FARS2: variants seen among roughly 807,000 people sequenced by gnomAD.
FARS2 encodes the protein phenylalanyl-tRNA synthetase 2, mitochondrial, also known as phenylalanine--tRNA ligase, mitochondrial.
Under a neutral mutation model 46.4 loss-of-function variants are expected in FARS2, and 40 were observed. The ratio of observed to expected loss-of-function variants is 0.86; its 90% confidence interval spans 0.67 to 1.12. The LOEUF (loss-of-function observed/expected upper bound fraction) is 1.12, where lower values mean the gene tolerates loss of function less well. Ranked by LOEUF, FARS2 falls within the 50% of genes most tolerant of loss-of-function variation. FARS2 has a pLI of 0.00. For synonymous variants in FARS2, 234 were observed against 214.9 expected (o/e 1.09, Z -0.78); for missense variants, 513 against 567.9 (o/e 0.90, Z 0.98).
intron 1 of FARS2, among the ~76,000 whole-genome samples, chr6:5,268,678 G>C (rs1765721932): frequency 6.6e-6 from 1 of 152,160 alleles, no homozygotes; most frequent in African/African-American, 2.4e-5. Flanking sequence ...GATTGACTTG[G>C]CAATGCGGGC....
chr6:5,673,586 G>A (rs922656652), intron 6 of FARS2, among the ~76,000 whole-genome samples: 1 of 152,158 alleles, frequency 6.6e-6, no homozygotes, highest in East Asian at 1.9e-4. Flanking sequence ...TATGCTAGTT[G>A]AACTCATGCC....
intron 6 of FARS2, among the ~76,000 whole-genome samples, chr6:5,691,351 G>A (rs1016671510): frequency 9.2e-5 from 14 of 152,060 alleles, no homozygotes; most frequent in African/African-American, 3.1e-4. Flanking sequence ...TGATGGTGAC[G>A]TACAGATGGG....
intron 6 of FARS2, among the ~76,000 whole-genome samples, chr6:5,752,092 CG>C (rs956530898): frequency 6.6e-6 from 1 of 152,040 alleles, no homozygotes. Flanking sequence ...GTGATTTATA[CG>C]AAACACTCAA....
intron 5 of FARS2, among the ~76,000 whole-genome samples, chr6:5,581,124 C>T (rs1451147618): frequency 6.6e-6 from 1 of 152,238 alleles, no homozygotes; most frequent in East Asian, 1.9e-4. Flanking sequence ...GCCATTTTCA[C>T]AACTGGATTT....
At chr6:5,469,626 C>G (rs76580273) in intron 4 of FARS2, among the ~76,000 whole-genome samples, 5,515 of 152,212 alleles carry the variant, frequency 0.036, 311 homozygotes, top group African/African-American at 0.13. Context: ...TTCTGTCAGT[C>G]AGGATGACTC....
intron 5 of FARS2, 84 bp downstream of exon 5, chr6:5,545,424 AATTTT>A (rs1173441642): frequency 2.1e-6 from 2 of 961,038 alleles, no homozygotes; most frequent in African/African-American, 1.7e-5. Context: ...AAAGCCACTG[AATTTT>A]ATTTTATTTA....
chr6:5,446,457 A>C (rs542794907), intron 4 of FARS2, among the ~76,000 whole-genome samples: 70 of 152,254 alleles, frequency 4.6e-4, no homozygotes, highest in African/African-American at 1.6e-3. Flanking sequence ...CCCTGAAGCA[A>C]ACTTTTAAGT....
At chr6:5,664,180 G>A (rs1777990757) in intron 6 of FARS2, among the ~76,000 whole-genome samples, 1 of 152,216 alleles carries the variant, frequency 6.6e-6, no homozygotes, top group Non-Finnish European at 1.5e-5. Flanking sequence ...TTCATTCTAT[G>A]CTCCCTGAAA....
At chr6:5,282,114 C>T (rs909636679) in intron 1 of FARS2, among the ~76,000 whole-genome samples, 1 of 152,154 alleles carries the variant, frequency 6.6e-6, no homozygotes, top group Non-Finnish European at 1.5e-5. Flanking sequence ...AAAATAAGTA[C>T]ATTGAAATGT....
At chr6:5,621,566 C>T (rs4959340) in intron 6 of FARS2, among the ~76,000 whole-genome samples, 82,982 of 152,054 alleles carry the variant, frequency 0.55, 23,313 homozygotes, top group African/African-American at 0.67. Context: ...TCCAGGGCTG[C>T]AGATTCAGAG....
intron 4 of FARS2, among the ~76,000 whole-genome samples, chr6:5,509,926 C>T (rs886207510): frequency 3.9e-5 from 6 of 152,266 alleles, no homozygotes; most frequent in East Asian, 1.9e-4. Context: ...TACATTATGT[C>T]GCCCAATTTT....
chr6:5,525,437 A>T (rs367773656), intron 4 of FARS2, among the ~76,000 whole-genome samples: 1 of 152,024 alleles, frequency 6.6e-6, no homozygotes, highest in East Asian at 1.9e-4. Flanking sequence ...TCCAGGTTTT[A>T]TTGTAAGTAG....
chr6:5,514,305 T>A (rs367680660), intron 4 of FARS2, among the ~76,000 whole-genome samples: 7 of 152,178 alleles, frequency 4.6e-5, no homozygotes, highest in African/African-American at 1.7e-4. Context: ...AAATTTACTT[T>A]AGAGGAACAT....
chr6:5,321,190 T>TAC (rs1298864943), intron 1 of FARS2, among the ~76,000 whole-genome samples: 1 of 152,238 alleles, frequency 6.6e-6, no homozygotes. Flanking sequence ...TTGCCCCAGT[T>TAC]ACTCTCCTGA....
chr6:5,608,357 G>A (rs1774967326), intron 5 of FARS2, among the ~76,000 whole-genome samples: 1 of 152,108 alleles, frequency 6.6e-6, no homozygotes, highest in Non-Finnish European at 1.5e-5. Context: ...TTAGACCTGT[G>A]ATGAGACAGA....
chr6:5,757,210 C>T (rs527244752), intron 6 of FARS2, among the ~76,000 whole-genome samples: 1 of 151,768 alleles, frequency 6.6e-6, no homozygotes, highest in Admixed American at 6.6e-5. Flanking sequence ...AAGAAGAGAA[C>T]ACTTCTTTTC....
At chr6:5,540,563 G>GT (rs1323996511) in intron 4 of FARS2, among the ~76,000 whole-genome samples, 4 of 152,354 alleles carry the variant, frequency 2.6e-5, no homozygotes, top group Middle Eastern at 3.4e-3. Flanking sequence ...TGCTGTGAGA[G>GT]TGACTCAAAG....
chr6:5,341,210 TATATATATATATATATA>T (rs1561969719), intron 1 of FARS2, among the ~76,000 whole-genome samples: 10 of 5,002 alleles, frequency 2.0e-3, no homozygotes, highest in East Asian at 7.1e-3. Flanking sequence ...TATATATATA[TATATATATATATATATA>T]TATATATATT....
intron 3 of FARS2, among the ~76,000 whole-genome samples, chr6:5,423,011 C>A (rs1186022191): frequency 6.6e-6 from 1 of 152,154 alleles, no homozygotes; most frequent in African/African-American, 2.4e-5. Flanking sequence ...CCTGAGGTCA[C>A]TCAGCTGCAA....
Sources: allele counts gnomAD v4.1 joint callset (sites outside exome capture counted in the v4.1 genomes callset), GRCh38; gene constraint gnomAD v4.1.1; transcripts MANE v1.5; gene names NCBI Gene and HGNC (gene_info 2026-07-23, HGNC 2026-07-21).